The following ATP5PF variants were observed in gnomAD, a reference collection of about 807,000 sequenced individuals.
ATP5PF encodes the protein ATP synthase peripheral stalk subunit F6, mitochondrial.
A neutral mutation model predicts 12.0 loss-of-function variants in ATP5PF; 7 were observed. That is an observed-to-expected ratio of 0.58 (90% confidence interval 0.33 to 1.10). ATP5PF has a LOEUF of 1.10. Ranked by LOEUF, ATP5PF falls within the 50% of genes least tolerant of loss-of-function variation. The probability of loss-of-function intolerance (pLI) is 0.03; values close to 1 mark genes in which losing one functional copy is unlikely to be tolerated. For synonymous variants in ATP5PF, 41 were observed against 45.4 expected (o/e 0.90, Z 0.39); for missense variants, 120 against 127.7 (o/e 0.94, Z 0.29).
chr21:25,735,120 C>T (rs940084785), upstream of ATP5PF: 2 of 717,428 alleles, frequency 2.8e-6, no homozygotes, highest in Admixed American at 4.3e-5. Context: ...TTTTCTTCGC[C>T]TAATTTGACC....
At chr21:25,734,971 C>G (rs1054865077), upstream of ATP5PF, 11 of 1,565,920 alleles carry the variant, frequency 7.0e-6, no homozygotes, top group Admixed American at 2.1e-4. Context: ...GCCGCCGTTT[C>G]AGTCGGTCGA....
chr21:25,725,153 TA>T (rs2034582796), intron 3 of ATP5PF, 72 bp downstream of exon 3: 1 of 1,529,628 alleles, frequency 6.5e-7, no homozygotes, highest in Non-Finnish European at 8.8e-7. Flanking sequence ...TTCAGTTCTC[TA>T]AAAATCCAGG....
At chr21:25,726,516 A>G (rs1231814888) in intron 2 of ATP5PF, among the ~76,000 whole-genome samples, 1 of 152,208 alleles carries the variant, frequency 6.6e-6, no homozygotes, top group African/African-American at 2.4e-5. Flanking sequence ...GCAAAGACAT[A>G]GAGGTGGTAA....
intron 1 of ATP5PF, among the ~76,000 whole-genome samples, chr21:25,733,470 T>A (rs950980842): frequency 6.6e-6 from 1 of 151,574 alleles, no homozygotes; most frequent in African/African-American, 2.4e-5. Context: ...GAGCTTGGAG[T>A]GAGCAGAGAT....
chr21:25,729,528 G>A, intron 2 of ATP5PF, 103 bp downstream of exon 2: 1 of 1,079,074 alleles, frequency 9.3e-7, no homozygotes, highest in Middle Eastern at 2.1e-4. Context: ...GATGAGCTCA[G>A]TGAAGGTCTA....
intron 1 of ATP5PF, chr21:25,734,632 T>C: frequency 2.3e-6 from 1 of 439,888 alleles, no homozygotes; most frequent in Non-Finnish European, 3.8e-6. Context: ...CGCCCCGATT[T>C]GCCCTCAGAG....
chr21:25,730,718 G>A (rs1255846066), intron 1 of ATP5PF, among the ~76,000 whole-genome samples: 1 of 82,398 alleles, frequency 1.2e-5, no homozygotes, highest in Admixed American at 1.8e-4. Flanking sequence ...TGGGCAACAA[G>A]AGCAAGACTC....
intron 2 of ATP5PF, among the ~76,000 whole-genome samples, chr21:25,728,942 A>G (rs1358952387): frequency 2.0e-5 from 3 of 152,230 alleles, no homozygotes; most frequent in Admixed American, 1.3e-4. Flanking sequence ...CACACAGTAG[A>G]CAACTATATG....
chr21:25,724,513 ATAAT>A lies in ATP5PF; in HGVS notation c.*123_*126del. On this transcript the variant is annotated 3_prime_UTR_variant, in exon 4 of 4. Coordinates refer to ENST00000284971, the MANE Select transcript of ATP5PF (RefSeq NM_001003703.2). ...TCAAGAACACACTCAACATCACCAA[ATAAT>A]TTATTTGGACTCAGAATTAAAAGAA... The A allele has an allele frequency of 1.8e-6, 2 of 1,100,050 alleles. No individual in the cohort carries two copies. Among genetic ancestry groups the A allele is most frequent in the Non-Finnish European group, 2.6e-6 (2 of 762,182 alleles). 68.1% of individuals were successfully genotyped at this position (1,100,050 alleles called of 1,614,324 possible). A position where few individuals can be genotyped will look rare whatever the true frequency, so the allele number is the denominator to read the frequency against.
At chr21:25,734,161 A>C (rs2034909371) in intron 1 of ATP5PF, among the ~76,000 whole-genome samples, 1 of 152,224 alleles carries the variant, frequency 6.6e-6, no homozygotes, top group African/African-American at 2.4e-5. Flanking sequence ...AATAGCTGTG[A>C]AATACCACCT....
intron 1 of ATP5PF, among the ~76,000 whole-genome samples, chr21:25,730,736 CAAAAAAAAAAAAAAAAAAAAAAAAAA>C (rs71183508): frequency 0.016 from 495 of 31,918 alleles, 10 homozygotes; most frequent in Middle Eastern, 0.11. Flanking sequence ...CTCCGTCTCA[CAAAAAAAAAAAAAAAAAAAAAAAAAA>C]AAAAAAAAAA....
intron 2 of ATP5PF, among the ~76,000 whole-genome samples, chr21:25,728,846 G>C (rs1406424004): frequency 1.3e-5 from 2 of 150,830 alleles, no homozygotes; most frequent in Non-Finnish European, 2.9e-5. Context: ...GTATTTATTT[G>C]CTTAGAAGCT....
chr21:25,729,744 G>T lies in ATP5PF; in HGVS notation c.51C>A (p.Val17=). ...CAATGTTCCTCCGCAAATGGACTGA[G>T]ACGGCTGACCGAATGACAGAGGAGA... ...FRFSSVIRSA[V]SVHLRRNIGV... Residue 17 remains valine (V), a synonymous_variant, in exon 2 of 4, where the codon GTC becomes GTA. Coordinates refer to ENST00000284971, the MANE Select transcript of ATP5PF (RefSeq NM_001003703.2). 6.2e-7 allele frequency: 1 copy of T among 1,613,940 alleles called. No homozygotes were observed. Among genetic ancestry groups the T allele is most frequent in the Non-Finnish European group, 8.5e-7 (1 of 1,180,012 alleles).
At chr21:25,735,040 A>C, upstream of ATP5PF, 2 of 1,407,728 alleles carry the variant, frequency 1.4e-6, no homozygotes, top group East Asian at 2.5e-5. Context: ...TCTAGGTGAG[A>C]CAGAAGCCAA....
chr21:25,725,074 C>A, intron 3 of ATP5PF, 152 bp downstream of exon 3: 1 of 1,035,122 alleles, frequency 9.7e-7, no homozygotes, highest in Admixed American at 2.9e-5. Context: ...ATTCTAACAG[C>A]AAACATTTAG....
At chr21:25,734,613 C>A in intron 1 of ATP5PF, 1 of 436,098 alleles carries the variant, frequency 2.3e-6, no homozygotes, top group Non-Finnish European at 3.8e-6. Flanking sequence ...GCCTCCCTGC[C>A]CCCCGCGCCG....
At chr21:25,734,570 GCCCCAGCCAGGCTGC>G (rs1311106573) in intron 1 of ATP5PF, 1 of 435,246 alleles carries the variant, frequency 2.3e-6, no homozygotes, top group African/African-American at 2.0e-5. Context: ...ACCTTGGGTT[GCCCCAGCCAGGCTGC>G]GGGCCCGAGA....
At chr21:25,734,345 A>T in intron 1 of ATP5PF, 1 of 986,384 alleles carries the variant, frequency 1.0e-6, no homozygotes, top group African/African-American at 1.7e-5. Flanking sequence ...GCCAAAGGTT[A>T]GTAGGTTCGC....
intron 1 of ATP5PF, chr21:25,734,342 G>A (rs908373223): frequency 6.1e-6 from 6 of 986,464 alleles, no homozygotes; most frequent in Non-Finnish European, 7.2e-6. Context: ...CCGGCCAAAG[G>A]TTAGTAGGTT....
Sources: allele counts gnomAD v4.1 joint callset (sites outside exome capture counted in the v4.1 genomes callset), GRCh38; gene constraint gnomAD v4.1.1; transcripts MANE v1.5; gene names NCBI Gene and HGNC (gene_info 2026-07-23, HGNC 2026-07-21).